ALDH1A1: variants seen among roughly 807,000 people sequenced by gnomAD.
ALDH1A1 encodes aldehyde dehydrogenase 1 family member A1, also known as aldehyde dehydrogenase 1A1.
Under a neutral mutation model 62.1 loss-of-function variants are expected in ALDH1A1, and 19 were observed. That is an observed-to-expected ratio of 0.31 (90% CI 0.21 to 0.45). The LOEUF (loss-of-function observed/expected upper bound fraction) is 0.45, where lower values mean the gene tolerates loss of function less well. Among genes scored for constraint, ALDH1A1 ranks in the 20% least tolerant of loss-of-function variants. The pLI is 1.00. For synonymous variants in ALDH1A1, 231 were observed against 215.9 expected (o/e 1.07, Z -0.61); for missense variants, 521 against 607.1 (o/e 0.86, Z 1.49).
Position 72,916,967 on chromosome 9 carries a change from A to T in ALDH1A1, c.988T>A (p.Tyr330Asn). ...GGGGTCAGAGGATTTCCAAGGATAT[A>T]CTTCTTAGCCCGCTCAACACTCCTT... ...VRRSVERAKK[Y>N]ILGNPLTPGV... Residue 330 changes from tyrosine to asparagine, a missense_variant, in exon 9 of 13, where the codon TAT becomes AAT. Physicochemically the swap from Tyr to Asn is moderately radical, Grantham distance 143. Transcript: ENST00000297785. 3.1e-6 allele frequency: 5 copies of T among 1,613,496 alleles called. No homozygotes were observed. Among genetic ancestry groups the T allele is most frequent in the Non-Finnish European group, 3.4e-6 (4 of 1,179,700 alleles).
At chr9:72,935,488 T>A (rs147312936) in intron 2 of ALDH1A1, among the ~76,000 whole-genome samples, 5 of 152,322 alleles carry the variant, frequency 3.3e-5, no homozygotes, top group African/African-American at 1.2e-4. Flanking sequence ...ATTAAATTCA[T>A]TCAGAGATGG....
chr9:72,932,702 C>T (rs1386287494), intron 2 of ALDH1A1, among the ~76,000 whole-genome samples: 1 of 152,138 alleles, frequency 6.6e-6, no homozygotes, highest in East Asian at 1.9e-4. Context: ...TATATTTAGA[C>T]ATTGTTTCAT....
chr9:72,926,359 T>A (rs1830208362), intron 5 of ALDH1A1, among the ~76,000 whole-genome samples: 1 of 152,230 alleles, frequency 6.6e-6, no homozygotes. Flanking sequence ...AAAATATTGA[T>A]ATGAATATAT....
intron 4 of ALDH1A1, among the ~76,000 whole-genome samples, chr9:72,927,594 G>C (rs1411963330): frequency 6.6e-6 from 1 of 152,102 alleles, no homozygotes; most frequent in Non-Finnish European, 1.5e-5. Context: ...GGAAGTAGGA[G>C]GTCTCTGGCG....
intron 3 of ALDH1A1, among the ~76,000 whole-genome samples, chr9:72,929,920 A>T (rs1588139812): frequency 1.3e-5 from 2 of 152,306 alleles, no homozygotes; most frequent in East Asian, 3.9e-4. Flanking sequence ...TTCTTCCTAC[A>T]GGTCATTTTT....
Position 72,940,255 on chromosome 9 carries a change from G to A in ALDH1A1, c.67-3C>T. On this transcript the variant is annotated splice_polypyrimidine_tract_variant and splice_region_variant and intron_variant, in intron 1 of 12. Coordinates refer to ENST00000297785, the MANE Select transcript of ALDH1A1 (RefSeq NM_000689.5). ...TGCCATTCATTGTTTATGAAGATCT[G>A]TAGAGATGAAGAGAAAATACATACA... is the stretch of plus-strand genomic sequence containing the variant. 6.2e-7 allele frequency: 1 copy of A among 1,609,364 alleles called. No individual in the cohort carries two copies. Among genetic ancestry groups the A allele is most frequent in the African/African-American group, 1.3e-5 (1 of 74,898 alleles).
chr9:72,916,302 T>C (rs760977949), intron 9 of ALDH1A1, among the ~76,000 whole-genome samples: 1 of 152,124 alleles, frequency 6.6e-6, no homozygotes, highest in South Asian at 2.1e-4. Flanking sequence ...CAGAGAACTA[T>C]GCAAGGAAGA....
intron 12 of ALDH1A1, among the ~76,000 whole-genome samples, chr9:72,905,657 G>C (rs1484945464): frequency 2.0e-5 from 3 of 151,996 alleles, no homozygotes; most frequent in Non-Finnish European, 4.4e-5. Flanking sequence ...TTCCCAAATG[G>C]ATTACATTCA....
intron 4 of ALDH1A1, among the ~76,000 whole-genome samples, chr9:72,927,926 C>G (rs557630343): frequency 1.6e-4 from 25 of 151,632 alleles, no homozygotes; most frequent in South Asian, 1.0e-3. Context: ...ATACATTATG[C>G]TTTACATTCA....
At chr9:72,927,251 G>A (rs1830223330) in intron 4 of ALDH1A1, 74 bp from the exon 5 acceptor site, 1 of 1,099,832 alleles carries the variant, frequency 9.1e-7, no homozygotes, top group Non-Finnish European at 1.3e-6. Context: ...TTGGTGATGT[G>A]AGAGAAAGGT....
At chr9:72,930,785 A>G in intron 3 of ALDH1A1, 94 bp downstream of exon 3, 1 of 1,478,072 alleles carries the variant, frequency 6.8e-7, no homozygotes, top group Non-Finnish European at 9.3e-7. Context: ...TGTAGAGAGC[A>G]TATAGTGATC....
chr9:72,914,380 T>A (rs1830032711), intron 9 of ALDH1A1, among the ~76,000 whole-genome samples: 2 of 152,212 alleles, frequency 1.3e-5, no homozygotes, highest in African/African-American at 4.8e-5. Flanking sequence ...AGCACTCTGA[T>A]GGATACATTT....
intron 1 of ALDH1A1, among the ~76,000 whole-genome samples, chr9:72,944,389 C>T (rs1448412328): frequency 3.3e-5 from 5 of 152,026 alleles, no homozygotes; most frequent in Non-Finnish European, 7.4e-5. Context: ...AATGTGATGA[C>T]CTAGATGGTT....
chr9:72,908,561 AAGAAAGAAAGAAAGAAAG>A (rs1829923151), intron 11 of ALDH1A1, among the ~76,000 whole-genome samples: 1 of 8,278 alleles, frequency 1.2e-4, no homozygotes, highest in Non-Finnish European at 3.3e-4. Flanking sequence ...AGAAGAAAGA[AAGAAAGAAAGAAAGAAAG>A]AAAGAAAGAA....
At chr9:72,948,754 T>C (rs1781593080) in intron 1 of ALDH1A1, among the ~76,000 whole-genome samples, 1 of 151,814 alleles carries the variant, frequency 6.6e-6, no homozygotes, top group East Asian at 1.9e-4. Context: ...AGAGGCTGCA[T>C]GAGACGTGAA....
At chr9:72,904,664 C>T (rs1187469233) in intron 12 of ALDH1A1, among the ~76,000 whole-genome samples, 5 of 152,118 alleles carry the variant, frequency 3.3e-5, no homozygotes, top group African/African-American at 1.2e-4. Flanking sequence ...CCACTCTTAT[C>T]CACACTCACA....
chr9:72,908,560 AAAGAAAGAAAGAAAG>A (rs1564622562), intron 11 of ALDH1A1, among the ~76,000 whole-genome samples: 1 of 8,208 alleles, frequency 1.2e-4, no homozygotes, highest in African/African-American at 2.9e-4. Context: ...AAGAAGAAAG[AAAGAAAGAAAGAAAG>A]AAAGAAAGAA....
At chr9:72,908,587 GA>G (rs767924039) in intron 11 of ALDH1A1, among the ~76,000 whole-genome samples, 1 of 136,560 alleles carries the variant, frequency 7.3e-6, no homozygotes, top group Non-Finnish European at 1.6e-5. Flanking sequence ...AAGAAAGAAA[GA>G]AAGAAAGAAA....
Position 72,953,012 on chromosome 9 carries a change from C to T in ALDH1A1, c.-12G>A. 1 of 1,612,892 alleles carries T rather than the reference C, an allele frequency of 6.2e-7. No homozygotes were observed. Among genetic ancestry groups the T allele is most frequent in the Non-Finnish European group, 8.5e-7 (1 of 1,179,270 alleles). On this transcript the variant is annotated 5_prime_UTR_variant, in exon 1 of 13. Transcript: ENST00000297785. Reference sequence around the variant, plus strand: ...CCTGAGGATGACATTTCTGATTCGGCTCCTGGAACACAGGTGACTGGCTCA... The same window carrying T: ...CCTGAGGATGACATTTCTGATTCGGTTCCTGGAACACAGGTGACTGGCTCA...
Sources: gnomAD v4.1 joint callset for allele counts (sites outside exome capture counted in the v4.1 genomes callset) on GRCh38, gnomAD v4.1.1 for gene constraint, MANE v1.5 for transcripts, NCBI Gene and HGNC (gene_info 2026-07-23, HGNC 2026-07-21) for gene names.